The following STMP1 variants were observed in gnomAD, a reference collection of about 807,000 sequenced individuals.
The protein encoded by STMP1 is mitolamban.
Under a neutral mutation model 7.0 loss-of-function variants are expected in STMP1, and 7 were observed. The observed-to-expected ratio is 1.01, with a 90% CI of 0.57 to 1.89. The LOEUF (loss-of-function observed/expected upper bound fraction) is 1.89, where lower values mean the gene tolerates loss of function less well. Among genes scored for constraint, STMP1 ranks in the 40% most tolerant of loss-of-function variants. STMP1 has a pLI of 0.00. For synonymous variants in STMP1, 19 were observed against 18.4 expected (o/e 1.03, Z -0.08); for missense variants, 45 against 53.0 (o/e 0.85, Z 0.47).
chr7:135,673,105 G>A (rs1795373390), intron 2 of STMP1: 1 of 389,668 alleles, frequency 2.6e-6, no homozygotes, highest in Non-Finnish European at 4.6e-6. Flanking sequence ...AAATTCTTTG[G>A]GAAATCATGT....
chr7:135,663,523 TTAG>T (rs1266363641), intron 1 of STMP1, among the ~76,000 whole-genome samples: 2 of 152,076 alleles, frequency 1.3e-5, no homozygotes, highest in Non-Finnish European at 2.9e-5. Flanking sequence ...TTTTGTATTT[TTAG>T]TAGAGACGGG....
intron 1 of STMP1, among the ~76,000 whole-genome samples, chr7:135,662,795 T>G (rs1795248636): frequency 6.6e-6 from 1 of 152,244 alleles, no homozygotes; most frequent in Non-Finnish European, 1.5e-5. Context: ...AATATTTTTC[T>G]GCAGCCATCC....
At chr7:135,665,967 T>C (rs1795287125) in intron 1 of STMP1, among the ~76,000 whole-genome samples, 1 of 151,328 alleles carries the variant, frequency 6.6e-6, no homozygotes, top group African/African-American at 2.4e-5. Flanking sequence ...ACTGGTGCCA[T>C]CTTGGCTCAC....
At chr7:135,671,541 G>A (rs919663714) in intron 1 of STMP1, among the ~76,000 whole-genome samples, 1 of 152,152 alleles carries the variant, frequency 6.6e-6, no homozygotes, top group Non-Finnish European at 1.5e-5. Context: ...GGAAAACAGG[G>A]AATTATTATC....
At chr7:135,673,068 C>G (rs111622780) in intron 2 of STMP1, 5 of 441,544 alleles carry the variant, frequency 1.1e-5, no homozygotes, top group Non-Finnish European at 2.0e-5. Context: ...GCTTGTTAGC[C>G]GAGAGTAATA....
chr7:135,674,100 C>G lies in STMP1; in HGVS notation c.79C>G (p.Leu27Val). ...TTTTTTCTCTTCAAAGATACCAAAC[C>G]TGGCTAAAAAACTTGAAGAAATTAA... ...YLAQNYDIPN[L>V]AKKLEEIKKD... The change falls in exon 3 of 3, where the codon CTG becomes GTG. Residue 27 changes from leucine to valine, a missense_variant. Leu to Val is a conservative substitution (Grantham distance 32). Coordinates refer to ENST00000507606, the MANE Select transcript of STMP1 (RefSeq NM_001130929.2). The G allele has an allele frequency of 6.5e-7, 1 of 1,549,836 alleles. No homozygotes were observed.
chr7:135,663,747 T>A (rs1256828027), intron 1 of STMP1, among the ~76,000 whole-genome samples: 1 of 152,188 alleles, frequency 6.6e-6, no homozygotes, highest in Non-Finnish European at 1.5e-5. Context: ...CTCCGCTTCC[T>A]GGGTTTAAGC....
intron 1 of STMP1, among the ~76,000 whole-genome samples, chr7:135,670,072 C>G (rs1795341834): frequency 6.6e-6 from 1 of 152,182 alleles, no homozygotes; most frequent in African/African-American, 2.4e-5. Flanking sequence ...TTTTCCTGTA[C>G]ACTACTTTCC....
chr7:135,670,643 T>C (rs1795347747), intron 1 of STMP1, among the ~76,000 whole-genome samples: 1 of 152,204 alleles, frequency 6.6e-6, no homozygotes, highest in South Asian at 2.1e-4. Flanking sequence ...GGTAGTATTC[T>C]GAAACTGGAA....
In STMP1 at chr7:135,674,325, C is replaced by T; in HGVS notation, c.*160C>T. On this transcript the variant is annotated 3_prime_UTR_variant, in exon 3 of 3. Coordinates refer to ENST00000507606, the MANE Select transcript of STMP1 (RefSeq NM_001130929.2). ...TGCTTTAAAGCAAGCAAAATGGGGC[C>T]CCAATTTGAGAACTACCCGACATTT... 1.7e-6 allele frequency: 1 copy of T among 576,472 alleles called. No homozygotes were observed. The allele number at this position is 576,472 out of a possible 1,614,324, so 35.7% of individuals were successfully genotyped here.
At chr7:135,666,894 A>T (rs1384246424) in intron 1 of STMP1, among the ~76,000 whole-genome samples, 3 of 152,128 alleles carry the variant, frequency 2.0e-5, no homozygotes, top group Admixed American at 6.5e-5. Context: ...CTAAAGTGGG[A>T]TTGCTGCATT....
At chr7:135,663,838 G>C (rs1263170069) in intron 1 of STMP1, among the ~76,000 whole-genome samples, 1 of 151,982 alleles carries the variant, frequency 6.6e-6, no homozygotes, top group African/African-American at 2.4e-5. Context: ...TAGAGACGGG[G>C]TTTCACCCCG....
chr7:135,663,706 G>A (rs1392320327), intron 1 of STMP1, among the ~76,000 whole-genome samples: 1 of 152,072 alleles, frequency 6.6e-6, no homozygotes, highest in Non-Finnish European at 1.5e-5. Context: ...CCAGGCTGGA[G>A]TGCAGTAGTG....
intron 1 of STMP1, among the ~76,000 whole-genome samples, chr7:135,666,159 CTGACCTCAAGTGA>C (rs1440913357): frequency 6.6e-6 from 1 of 152,108 alleles, no homozygotes; most frequent in Non-Finnish European, 1.5e-5. Flanking sequence ...TCTTGAACTC[CTGACCTCAAGTGA>C]TTTACCCACC....
intron 1 of STMP1, among the ~76,000 whole-genome samples, chr7:135,671,405 C>A (rs1439265162): frequency 2.0e-5 from 3 of 152,038 alleles, no homozygotes; most frequent in East Asian, 3.8e-4. Context: ...TTTTTTTAAA[C>A]CTCTCTGCTG....
intron 1 of STMP1, among the ~76,000 whole-genome samples, chr7:135,667,205 GTTTTA>G (rs897452596): frequency 1.2e-4 from 18 of 152,068 alleles, no homozygotes; most frequent in Non-Finnish European, 2.9e-5. Context: ...TTTTATTTTT[GTTTTA>G]TTTTATTTAT....
chr7:135,663,020 G>C (rs1349410540), intron 1 of STMP1, among the ~76,000 whole-genome samples: 1 of 152,188 alleles, frequency 6.6e-6, no homozygotes, highest in Non-Finnish European at 1.5e-5. Flanking sequence ...GCTTTTCTGA[G>C]GAGGTAGGAA....
At chr7:135,669,091 A>G (rs960224459) in intron 1 of STMP1, among the ~76,000 whole-genome samples, 7 of 152,220 alleles carry the variant, frequency 4.6e-5, no homozygotes, top group Admixed American at 4.6e-4. Context: ...TCCTCTTTAT[A>G]AAACCATCAG....
chr7:135,665,419 C>A (rs146045729), intron 1 of STMP1, among the ~76,000 whole-genome samples: 1 of 151,976 alleles, frequency 6.6e-6, no homozygotes, highest in African/African-American at 2.4e-5. Context: ...TGTGATTTTC[C>A]CCTTTTCTTT....
Sources: allele counts gnomAD v4.1 joint callset (sites outside exome capture counted in the v4.1 genomes callset), GRCh38; gene constraint gnomAD v4.1.1; transcripts MANE v1.5; gene names NCBI Gene and HGNC (gene_info 2026-07-23, HGNC 2026-07-21).